RAB3D: variants seen among roughly 807,000 people sequenced by gnomAD.
RAB3D encodes RAB3D, member RAS oncogene family.
In RAB3D, 17 loss-of-function variants were observed where a neutral mutation model predicts 19.3. The ratio of observed to expected loss-of-function variants is 0.88; its 90% CI spans 0.60 to 1.32. The LOEUF (loss-of-function observed/expected upper bound fraction) is 1.32, where lower values mean the gene tolerates loss of function less well. Among genes scored for constraint, RAB3D ranks in the 40% most tolerant of loss-of-function variants. RAB3D has a pLI of 0.00. For missense variants in RAB3D, 223 were observed against 299.1 expected, an observed-to-expected ratio of 0.75 and a Z score of 1.88; for synonymous variants, 103 against 119.9, an observed-to-expected ratio of 0.86 and a Z score of 0.92.
chr19:11,330,235 G>C (rs1016808385), intron 4 of RAB3D, among the ~76,000 whole-genome samples: 1 of 152,194 alleles, frequency 6.6e-6, no homozygotes, highest in Non-Finnish European at 1.5e-5. Flanking sequence ...TTAGAGGTCA[G>C]CAAACCTCCT....
chr19:11,335,869 AG>A (rs2080851360), intron 2 of RAB3D, 86 bp from the exon 3 acceptor site: 1 of 1,241,912 alleles, frequency 8.1e-7, no homozygotes, highest in Non-Finnish European at 1.2e-6. Context: ...CTGTACTCAT[AG>A]CCCCAGCCTT....
At chr19:11,330,979 G>C (rs1415141104) in intron 4 of RAB3D, among the ~76,000 whole-genome samples, 1 of 149,102 alleles carries the variant, frequency 6.7e-6, no homozygotes, top group Non-Finnish European at 1.5e-5. Flanking sequence ...TCGTGCCACT[G>C]CACTCCAGCC....
At chr19:11,333,165 C>T (rs1440758078) in intron 4 of RAB3D, among the ~76,000 whole-genome samples, 2 of 151,434 alleles carry the variant, frequency 1.3e-5, no homozygotes, top group East Asian at 1.9e-4. Flanking sequence ...CTGCAAGTTC[C>T]GCCTCCCGGG....
At chr19:11,336,761 G>A (rs1449855386) in intron 2 of RAB3D, among the ~76,000 whole-genome samples, 1 of 151,872 alleles carries the variant, frequency 6.6e-6, no homozygotes, top group South Asian at 2.1e-4. Context: ...ACGAGGTCAG[G>A]AGTTCGAGAC....
intron 4 of RAB3D, among the ~76,000 whole-genome samples, chr19:11,331,912 T>C (rs1051789419): frequency 6.6e-6 from 1 of 152,040 alleles, no homozygotes; most frequent in African/African-American, 2.4e-5. Flanking sequence ...CTCAATGCTC[T>C]AGGAAAAAAA....
Position 11,335,574 on chromosome 19 carries a change from G to C in RAB3D, c.348-3C>G, listed in dbSNP as rs762373372. ...AGTAGGTCTTGATTTGCGTGGCCCT[G>C]CAGAGTTACCAGTGGTGAGCCATGA... On this transcript the variant is annotated splice_region_variant and splice_polypyrimidine_tract_variant and intron_variant, in intron 3 of 4. Coordinates refer to ENST00000222120, the MANE Select transcript of RAB3D (RefSeq NM_004283.4). 6.8e-6 allele frequency: 11 copies of C among 1,613,984 alleles called. No individual in the cohort carries two copies. The East Asian group carries it at 2.2e-4, about 33-fold the overall frequency.
chr19:11,338,080 G>C (rs1450152004), intron 1 of RAB3D, among the ~76,000 whole-genome samples: 1 of 152,178 alleles, frequency 6.6e-6, no homozygotes, highest in African/African-American at 2.4e-5. Flanking sequence ...TCCTCGGGTG[G>C]TCACGTTCCT....
At chr19:11,327,571 G>C (rs1409364507) in intron 4 of RAB3D, among the ~76,000 whole-genome samples, 1 of 152,090 alleles carries the variant, frequency 6.6e-6, no homozygotes, top group African/African-American at 2.4e-5. Flanking sequence ...GCTAATTTTT[G>C]TATTTTCAGT....
rs771876137 is a variant in RAB3D, at chr19:11,326,752, C to G, written c.473-1167G>C. ...CTGAGTAGCTGGGGCTACAGGTGTG[C>G]CCCACCATGCCCGGCTAATTTTTCA... On this transcript the variant is annotated intron_variant, in intron 4 of 4. Coordinates refer to ENST00000222120, the MANE Select transcript of RAB3D (RefSeq NM_004283.4). The G allele has an allele frequency of 7.2e-6, 5 of 695,228 alleles. No homozygotes were observed. The South Asian group carries it at 7.5e-5, about 10-fold the overall frequency. 43.1% of individuals were successfully genotyped at this position (695,228 alleles called of 1,614,324 possible). A position where few individuals can be genotyped will look rare whatever the true frequency, so the allele number is the denominator to read the frequency against.
chr19:11,334,131 G>A (rs2080844105), intron 4 of RAB3D, among the ~76,000 whole-genome samples: 1 of 152,240 alleles, frequency 6.6e-6, no homozygotes, highest in African/African-American at 2.4e-5. Flanking sequence ...TTTAAGAAAA[G>A]GTTTGCTGAC....
intron 2 of RAB3D, among the ~76,000 whole-genome samples, chr19:11,336,038 T>C (rs2147970605): frequency 6.6e-6 from 1 of 152,160 alleles, no homozygotes; most frequent in African/African-American, 2.4e-5. Flanking sequence ...CCTTGAGGGG[T>C]TCCAAGTCTC....
intron 4 of RAB3D, among the ~76,000 whole-genome samples, chr19:11,329,427 G>A (rs1010678545): frequency 7.9e-5 from 12 of 151,436 alleles, no homozygotes; most frequent in Non-Finnish European, 1.0e-4. Flanking sequence ...GACCAACATG[G>A]TGAAACCCCA....
rs1013913473 is a variant in RAB3D at position 11,337,677 on chromosome 19, T to C, written c.-61-217A>G. ...AAAATGAGTTTCTTTCTTTCTTTTT[T>C]TTTTTTTTTAGAGACAAGATCTCGC... On this transcript the variant is annotated intron_variant, in intron 1 of 4. Transcript: ENST00000222120. Among the ~76,000 whole-genome samples the C allele has an allele frequency of 2.4e-4, 36 of 151,962 alleles. No individual in the cohort carries two copies. In the East Asian group the frequency reaches 5.6e-3, roughly 24 times the overall value.
chr19:11,338,757 G>A (rs577945401), intron 1 of RAB3D, among the ~76,000 whole-genome samples: 5 of 152,078 alleles, frequency 3.3e-5, no homozygotes, highest in Non-Finnish European at 7.4e-5. Flanking sequence ...GACCACTGCC[G>A]CCCACCCTTG....
Position 11,335,664 on chromosome 19 carries a change from C to T in RAB3D, c.347+1G>A. 1 of 1,614,024 alleles carries T rather than the reference C, an allele frequency of 6.2e-7. No individual in the cohort carries two copies. The highest frequency in any genetic ancestry group is 1.1e-5 in the South Asian group (1 of 91,084). ...GGGGTCCATGATCAGCAAGCACTCA[C>T]CAGTCCTGCACAGCGGCAAAGGATT... On this transcript the variant is annotated splice_donor_variant, in intron 3 of 4. Transcript: ENST00000222120. LOFTEE classifies it high-confidence loss of function.
At position 11,322,418 on chromosome 19, in the gene RAB3D, G is replaced by A. The variant is rs2080785320; in HGVS notation, c.*2980C>T. 1 of 152,018 alleles carries A rather than the reference G, an allele frequency of 6.6e-6. No individual in the cohort carries two copies. Among genetic ancestry groups the A allele is most frequent in the Non-Finnish European group, 1.5e-5 (1 of 68,008 alleles). The allele number at this position is 152,018 out of a possible 1,614,324, so 9.4% of individuals were successfully genotyped here. On this transcript the variant is annotated 3_prime_UTR_variant, in exon 5 of 5. Transcript: ENST00000222120. ...GCAATTTCCCATCAAAACTGCCCAT[G>A]TAAAATAAACACAAGCTGCTAAAAG...
At chr19:11,331,793 A>C (rs182998891) in intron 4 of RAB3D, among the ~76,000 whole-genome samples, 1 of 151,772 alleles carries the variant, frequency 6.6e-6, no homozygotes, top group Non-Finnish European at 1.5e-5. Context: ...CCTGGGTGAA[A>C]GAGTGAGGCT....
chr19:11,326,686 C>T (rs2080815165), intron 4 of RAB3D: 1 of 653,174 alleles, frequency 1.5e-6, no homozygotes, highest in Non-Finnish European at 2.8e-6. Context: ...TCATTGCAGC[C>T]TCAACCTCCT....
intron 2 of RAB3D, 33 bp from the exon 3 acceptor site, chr19:11,335,816 C>T (rs2080851062): frequency 6.3e-7 from 1 of 1,584,058 alleles, no homozygotes; most frequent in Non-Finnish European, 8.7e-7. Context: ...TGGCTGGGAA[C>T]TACCTGTTTC....
Sources: allele counts gnomAD v4.1 joint callset (sites outside exome capture counted in the v4.1 genomes callset), GRCh38; gene constraint gnomAD v4.1.1; transcripts MANE v1.5; gene names NCBI Gene and HGNC (gene_info 2026-07-23, HGNC 2026-07-21).